The following CACNA1G variants were observed in gnomAD, a reference collection of about 807,000 sequenced individuals.
CACNA1G encodes calcium voltage-gated channel subunit alpha1 G.
In CACNA1G, 67 loss-of-function variants were observed where a neutral mutation model predicts 219.4. That is an observed-to-expected ratio of 0.31 (90% CI 0.25 to 0.37). CACNA1G has a LOEUF of 0.37. CACNA1G is among the 10% of genes least tolerant of loss of function. The pLI, the probability that CACNA1G is intolerant of heterozygous loss-of-function variation, is 1.00. For missense variants in CACNA1G, 2,380 were observed against 3,231.4 expected (o/e 0.74, Z 6.39); for synonymous variants, 1,296 against 1,345.3 (o/e 0.96, Z 0.80).
rs59925383 is a variant in CACNA1G, at chr17:50,605,930, C to T, written c.4329C>T (p.Gly1443=). The change falls in exon 23 of 38, where the codon GGC becomes GGT. Residue 1443 remains glycine, a synonymous_variant. Coordinates refer to ENST00000359106, the MANE Select transcript of CACNA1G (RefSeq NM_018896.5). ...AAGGGAAGTTTTTCGTGTGCCAGGG[C>T]GAGGATACCAGGAACATCACCAATA... ...LFKGKFFVCQ[G]EDTRNITNKS... 22 of 1,613,462 alleles carry T rather than the reference C, an allele frequency of 1.4e-5. No homozygotes were observed. In the Admixed American group the frequency reaches 2.5e-4, roughly 18 times the overall value.
Position 50,626,866 on chromosome 17 carries a change from T to C in CACNA1G, c.*115T>C, listed in dbSNP as rs1452192379. 1.5e-6 allele frequency: 2 copies of C among 1,339,972 alleles called. No individual in the cohort carries two copies. The highest frequency in any genetic ancestry group is 2.1e-6 in the Non-Finnish European group (2 of 934,812). 83.0% of individuals were successfully genotyped at this position (1,339,972 alleles called of 1,614,324 possible). On this transcript the variant is annotated 3_prime_UTR_variant, in exon 38 of 38. Transcript: ENST00000359106. This position sits in a 1 kb window ranked among gnomAD's most constrained non-coding sequence, Gnocchi z 4.3. Reference sequence around the variant, plus strand: ...ATAGACACCAAGGAGGCGGAGGCGCTCCTCCCTGCCTCAGTGGCTCTGGGT... The same window carrying C: ...ATAGACACCAAGGAGGCGGAGGCGCCCCTCCCTGCCTCAGTGGCTCTGGGT...
At chr17:50,573,203 A>AAC (rs2039843278) in intron 7 of CACNA1G, 90 bp downstream of exon 7, 6 of 941,512 alleles carry the variant, frequency 6.4e-6, no homozygotes, top group Non-Finnish European at 6.7e-6. Context: ...GCTCTGTCTG[A>AAC]AGTTTTTAGC....
Position 50,590,453 on chromosome 17 carries a change from T to C in CACNA1G, c.2302-18T>C, listed in dbSNP as rs749056544. On this transcript the variant is annotated intron_variant, in intron 9 of 37. Transcript: ENST00000359106. ...TCAGTGATAAGCCAGCTGCCTCACA[T>C]CCCACCCTGCCCTGCAGCCCGAGGA... 2.5e-6 allele frequency: 4 copies of C among 1,613,188 alleles called. No homozygotes were observed. Among genetic ancestry groups the C allele is most frequent in the Admixed American group, 3.3e-5 (2 of 59,998 alleles).
Position 50,601,085 on chromosome 17 carries a change from A to G in CACNA1G, c.3826A>G (p.Lys1276Glu). 6.2e-7 allele frequency: 1 copy of G among 1,613,810 alleles called. No individual in the cohort carries two copies. The highest frequency in any genetic ancestry group is 1.3e-5 in the African/African-American group (1 of 75,004). Residue 1276 changes from lysine to glutamate, a missense_variant, in exon 19 of 38, where the codon AAG becomes GAG. Transcript: ENST00000359106. ...CCTGTGTCACCGGATCATCACCCACAAGATGTTCGACCACGTGGTCCTTGT... is the reference window on the plus strand; with the variant it reads ...CCTGTGTCACCGGATCATCACCCACGAGATGTTCGACCACGTGGTCCTTGT... ...RLLCHRIITH[K>E]MFDHVVLVII...
rs116432951 is a variant in CACNA1G, at chr17:50,617,300, G to A, written c.5022-138G>A. On this transcript the variant is annotated intron_variant, in intron 28 of 37. Coordinates refer to ENST00000359106, the MANE Select transcript of CACNA1G (RefSeq NM_018896.5). This position sits in a 1 kb window ranked among gnomAD's most constrained non-coding sequence, Gnocchi z 5.8. ...GGCTGTGTGGCCTTAGATAAGCCAC[G>A]CCTCTTCTCTGTGGGATGGGAGGCT... The A allele has an allele frequency of 6.9e-4, 642 of 926,290 alleles. 6 individuals carry two copies. In the African/African-American group the frequency reaches 9.3e-3, roughly 13 times the overall value. The allele number at this position is 926,290 out of a possible 1,614,324, so 57.4% of individuals were successfully genotyped here.
chr17:50,606,365 T>C (rs2047970022), intron 23 of CACNA1G: 1 of 607,272 alleles, frequency 1.6e-6, no homozygotes, highest in Non-Finnish European at 2.9e-6. Flanking sequence ...GTGCAAATCC[T>C]GACCCCACCA....
At chr17:50,584,383 G>A (rs1176012558) in intron 9 of CACNA1G, among the ~76,000 whole-genome samples, 1 of 152,018 alleles carries the variant, frequency 6.6e-6, no homozygotes, top group Admixed American at 6.6e-5. Flanking sequence ...TCAGGGTCGG[G>A]GAAGCCAAGG....
intron 25 of CACNA1G, among the ~76,000 whole-genome samples, chr17:50,608,764 A>G (rs2048511102): frequency 2.0e-5 from 3 of 152,088 alleles, no homozygotes; most frequent in Admixed American, 1.3e-4. Flanking sequence ...GTGAGAAGAC[A>G]GAGGCCAGGA....
rs138720800 is a variant in CACNA1G, at chr17:50,588,491, G to T, written c.2302-1980G>T. ...CAGACCGGACTTGGAAGTACAGAGT[G>T]GGGGGATCCACTTAGCCAGGTGGGG... On this transcript the variant is annotated intron_variant, in intron 9 of 37. Transcript: ENST00000359106. Among the ~76,000 whole-genome samples, 3 of 152,274 alleles carry T rather than the reference G, an allele frequency of 2.0e-5. No individual in the cohort carries two copies. In the East Asian group the frequency reaches 5.8e-4, roughly 29 times the overall value.
At chr17:50,609,083 G>A (rs1023061222) in intron 25 of CACNA1G, among the ~76,000 whole-genome samples, 1 of 152,176 alleles carries the variant, frequency 6.6e-6, no homozygotes, top group African/African-American at 2.4e-5. Context: ...GCGGTGGCCT[G>A]AGTTTTCCTT....
chr17:50,581,251 A>G (rs562548491), intron 9 of CACNA1G, among the ~76,000 whole-genome samples: 1 of 151,872 alleles, frequency 6.6e-6, no homozygotes, highest in Admixed American at 6.6e-5. Flanking sequence ...ACAGAGACCG[A>G]GTCCCAGATG....
intron 9 of CACNA1G, among the ~76,000 whole-genome samples, chr17:50,590,038 G>A (rs1040621627): frequency 2.6e-5 from 4 of 152,074 alleles, no homozygotes; most frequent in African/African-American, 9.7e-5. Flanking sequence ...ACGTTGTGTG[G>A]GGCTTGACGA....
chr17:50,611,065 C>T (rs1244062007), intron 26 of CACNA1G, among the ~76,000 whole-genome samples: 2 of 151,784 alleles, frequency 1.3e-5, no homozygotes, highest in Non-Finnish European at 2.9e-5. Flanking sequence ...ACCAGCCTGG[C>T]CAACATGGTG....
Position 50,617,894 on chromosome 17 carries a change from G to T in CACNA1G, c.5191G>T (p.Ala1731Ser). The T allele has an allele frequency of 6.2e-7, 1 of 1,613,772 alleles. No individual in the cohort carries two copies. The highest frequency in any genetic ancestry group is 1.1e-5 in the South Asian group (1 of 91,070). Residue 1731 changes from alanine (A) to serine (S), a missense_variant, in exon 30 of 38, where the codon GCG becomes TCG. Physicochemically the swap from Ala to Ser is moderately conservative, Grantham distance 99 (BLOSUM62 1). Around this residue, in one of 17 missense-constraint regions of CACNA1G, gnomAD observed 123 missense variants for 258.4 expected, o/e 0.48. Coordinates refer to ENST00000359106, the MANE Select transcript of CACNA1G (RefSeq NM_018896.5). This position sits in a 1 kb window ranked among gnomAD's most constrained non-coding sequence, Gnocchi z 5.8. Reference protein sequence around the residue: ...KLLKMAVGMRALLDTVMQALP... With the variant: ...KLLKMAVGMRSLLDTVMQALP... ...GCTGAAGATGGCTGTGGGCATGCGG[G>T]CGCTGCTGGACACGGTGATGCAGGC...
Position 50,616,221 on chromosome 17 carries a change from A to C in CACNA1G, c.4912-54A>C, listed in dbSNP as rs1353684014. On this transcript the variant is annotated intron_variant, in intron 27 of 37. Coordinates refer to ENST00000359106, the MANE Select transcript of CACNA1G (RefSeq NM_018896.5). ...CGGTATGATGGAGGGGCGGGGGGAC[A>C]AGCCCCAGCCCTGGGCCTTAAGGGA... 6 of 1,102,610 alleles carry C rather than the reference A, an allele frequency of 5.4e-6. No homozygotes were observed. The African/African-American group carries it at 9.2e-5, about 17-fold the overall frequency. 68.3% of individuals were successfully genotyped at this position (1,102,610 alleles called of 1,614,324 possible).
At chr17:50,593,192 A>G (rs1421703366) in intron 13 of CACNA1G, among the ~76,000 whole-genome samples, 1 of 151,980 alleles carries the variant, frequency 6.6e-6, no homozygotes, top group African/African-American at 2.4e-5. Context: ...ATGGGACACT[A>G]ATTTGGGGGT....
Position 50,618,008 on chromosome 17 carries a change from A to C in CACNA1G, c.5227-40A>C, listed in dbSNP as rs1221697833. The C allele has an allele frequency of 1.9e-6, 3 of 1,612,364 alleles. No individual in the cohort carries two copies. The highest frequency in any genetic ancestry group is 2.5e-6 in the Non-Finnish European group (3 of 1,178,782). On this transcript the variant is annotated intron_variant, in intron 30 of 37. Coordinates refer to ENST00000359106, the MANE Select transcript of CACNA1G (RefSeq NM_018896.5). This position sits in a 1 kb window ranked among gnomAD's most constrained non-coding sequence, Gnocchi z 5.3. ...GGGGCTCAGAGAAGCTGACTGGGAGACCCAGCGGCATCGTTTCTATTTCTT... is the reference window on the plus strand; with the variant it reads ...GGGGCTCAGAGAAGCTGACTGGGAGCCCCAGCGGCATCGTTTCTATTTCTT...
At chr17:50,609,550 A>G (rs1415369744) in intron 25 of CACNA1G, among the ~76,000 whole-genome samples, 3 of 149,106 alleles carry the variant, frequency 2.0e-5, no homozygotes, top group Non-Finnish European at 4.4e-5. Flanking sequence ...CTGCCTGCCC[A>G]GCTGGCTCCC....
rs1160463734 is a variant in CACNA1G at position 50,569,706 on chromosome 17, G to A, written c.489G>A (p.Gly163=). The change falls in exon 4 of 38, where the codon GGG becomes GGA. Residue 163 remains glycine, a splice_region_variant and synonymous_variant. Coordinates refer to ENST00000359106, the MANE Select transcript of CACNA1G (RefSeq NM_018896.5). ...NRLDFFIVIA[G]MLEYSLDLQN... Reference sequence around the variant, plus strand: ...CCTCCCTTTGGGCCCCTCCCTGCAGGATGCTGGAGTACTCGCTGGACCTGC... The same window carrying A: ...CCTCCCTTTGGGCCCCTCCCTGCAGAATGCTGGAGTACTCGCTGGACCTGC... 3 of 1,549,130 alleles carry A rather than the reference G, an allele frequency of 1.9e-6. No homozygotes were observed. Among genetic ancestry groups the A allele is most frequent in the Admixed American group, 2.0e-5 (1 of 50,964 alleles).
Sources: gnomAD v4.1 joint callset for allele counts (sites outside exome capture counted in the v4.1 genomes callset) on GRCh38, gnomAD v4.1.1 for gene constraint, gnomAD v4.1.1 regional missense constraint, Gnocchi (gnomAD v3.1) non-coding constraint, MANE v1.5 for transcripts, NCBI Gene and HGNC (gene_info 2026-07-23, HGNC 2026-07-21) for gene names.